The following ADGRV1 variants were observed in gnomAD, a reference collection of about 807,000 sequenced individuals.
ADGRV1 encodes adhesion G protein-coupled receptor V1.
In ADGRV1, 359 loss-of-function variants were observed where a neutral mutation model predicts 596.2. That is an observed-to-expected ratio of 0.60 (90% CI 0.55 to 0.66). ADGRV1 has a LOEUF of 0.66. Among genes scored for constraint, ADGRV1 ranks in the 30% least tolerant of loss-of-function variants. The pLI is 0.00. For synonymous variants in ADGRV1, 2,681 were observed against 2,679.2 expected (o/e 1.00, Z -0.02); for missense variants, 7,274 against 7,575.6 (o/e 0.96, Z 1.48).
chr5:90,779,110 G>C lies in ADGRV1; in HGVS notation c.13082+13G>C. The stretch of plus-strand genomic sequence containing the variant: ...AACTCCAGGGAAGGTAAAGGAGAAA[G>C]GCAATTAGGAAAAAGAAAGCAAAGA... On this transcript the variant is annotated intron_variant, in intron 64 of 89. Coordinates refer to ENST00000405460, the MANE Select transcript of ADGRV1 (RefSeq NM_032119.4). 2.0e-6 allele frequency: 3 copies of C among 1,507,010 alleles called. No homozygotes were observed. Among genetic ancestry groups the C allele is most frequent in the Non-Finnish European group, 2.8e-6 (3 of 1,085,822 alleles). 93.4% of individuals were successfully genotyped at this position (1,507,010 alleles called of 1,614,324 possible).
At chr5:90,683,556 T>C (rs888290182) in intron 27 of ADGRV1, 30 bp from the exon 28 acceptor site, 1 of 1,499,520 alleles carries the variant, frequency 6.7e-7, no homozygotes, top group Non-Finnish European at 9.0e-7. Flanking sequence ...ATCTCTCTTT[T>C]AATAGATTTT....
chr5:90,630,740 A>G (rs908917823), intron 9 of ADGRV1, among the ~76,000 whole-genome samples: 2 of 152,102 alleles, frequency 1.3e-5, no homozygotes, highest in African/African-American at 4.8e-5. Context: ...TTTTGCCTTG[A>G]TTTTGTTTTA....
chr5:91,101,958 C>G (rs1582062615), intron 86 of ADGRV1, among the ~76,000 whole-genome samples: 1 of 152,160 alleles, frequency 6.6e-6, no homozygotes, highest in African/African-American at 2.4e-5. Context: ...ACTTACTGAA[C>G]AGTCCAGCAG....
At chr5:90,739,262 T>C (rs1413464367) in intron 50 of ADGRV1, among the ~76,000 whole-genome samples, 1 of 152,194 alleles carries the variant, frequency 6.6e-6, no homozygotes. Context: ...TTCAAGAGAA[T>C]TATTCTGAAT....
Position 90,706,515 on chromosome 5 carries a change from G to A in ADGRV1, c.8730+121G>A, listed in dbSNP as rs575483533. ...AGGTTTGTTACATATATATACATGT[G>A]CCATGTTGGTGTGCTGCACCCATTA... On this transcript the variant is annotated intron_variant, in intron 38 of 89. Transcript: ENST00000405460. 9 of 845,986 alleles carry A rather than the reference G, an allele frequency of 1.1e-5. No homozygotes were observed. The East Asian group carries it at 1.4e-4, about 13-fold the overall frequency. 52.4% of individuals were successfully genotyped at this position (845,986 alleles called of 1,614,324 possible).
intron 85 of ADGRV1, among the ~76,000 whole-genome samples, chr5:91,040,529 A>G (rs575017326): frequency 3.9e-5 from 6 of 152,176 alleles, no homozygotes; most frequent in Non-Finnish European, 8.8e-5. Context: ...TTAATTATAT[A>G]TGTTTGGAAT....
intron 83 of ADGRV1, among the ~76,000 whole-genome samples, chr5:90,948,179 A>C (rs1400991024): frequency 6.6e-6 from 1 of 152,114 alleles, no homozygotes; most frequent in Non-Finnish European, 1.5e-5. Flanking sequence ...TTATTCTGTT[A>C]GTTACTAGGT....
chr5:90,936,101 C>T (rs1359438486), intron 83 of ADGRV1, among the ~76,000 whole-genome samples: 1 of 152,140 alleles, frequency 6.6e-6, no homozygotes, highest in African/African-American at 2.4e-5. Flanking sequence ...TTTATGTACC[C>T]TAGACTTTAT....
At chr5:91,156,214 A>G (rs904412280) in intron 89 of ADGRV1, among the ~76,000 whole-genome samples, 1 of 152,172 alleles carries the variant, frequency 6.6e-6, no homozygotes, top group African/African-American at 2.4e-5. Flanking sequence ...AGATGAAAAA[A>G]GGTTGATCTG....
chr5:90,684,536 C>T (rs1257856758), intron 28 of ADGRV1, among the ~76,000 whole-genome samples: 1 of 152,112 alleles, frequency 6.6e-6, no homozygotes, highest in African/African-American at 2.4e-5. Context: ...AACTGGGTGG[C>T]TTAGAAACAA....
At chr5:90,990,877 G>C (rs1263154216) in intron 85 of ADGRV1, among the ~76,000 whole-genome samples, 1 of 152,124 alleles carries the variant, frequency 6.6e-6, no homozygotes, top group Non-Finnish European at 1.5e-5. Flanking sequence ...TAGTCACCTA[G>C]TTTTCTTGGG....
intron 85 of ADGRV1, among the ~76,000 whole-genome samples, chr5:91,056,310 C>A (rs1786849730): frequency 6.6e-6 from 1 of 152,086 alleles, no homozygotes; most frequent in Non-Finnish European, 1.5e-5. Context: ...AGACCAGCAG[C>A]AAACCACCAA....
chr5:91,014,500 G>A lies in ADGRV1; in HGVS notation c.18152+28978G>A. Among the ~76,000 whole-genome samples, 2 of 151,864 alleles carry A rather than the reference G, an allele frequency of 1.3e-5. 1 individual carries two copies. Among genetic ancestry groups the A allele is most frequent in the East Asian group, 3.9e-4 (2 of 5,168 alleles). ...GTAGAATTTGGCTGTAAATCCATCA[G>A]GTCCTGGGAGTTTTTTTGTTTTTTG... is the stretch of plus-strand genomic sequence containing the variant. On this transcript the variant is annotated intron_variant, in intron 85 of 89. Coordinates refer to ENST00000405460, the MANE Select transcript of ADGRV1 (RefSeq NM_032119.4).
At chr5:90,885,212 A>G (rs993715638) in intron 83 of ADGRV1, among the ~76,000 whole-genome samples, 13 of 152,308 alleles carry the variant, frequency 8.5e-5, no homozygotes, top group Admixed American at 3.3e-4. Flanking sequence ...TCATAGATGT[A>G]CTTGTTGTTC....
At chr5:91,161,508 G>GTTTT (rs372339480) in intron 89 of ADGRV1, among the ~76,000 whole-genome samples, 3 of 128,848 alleles carry the variant, frequency 2.3e-5, no homozygotes, top group Non-Finnish European at 3.1e-5. Flanking sequence ...GTTTTTGTTA[G>GTTTT]TTTTTTTTTT....
At chr5:90,944,902 G>A (rs1045836829) in intron 83 of ADGRV1, among the ~76,000 whole-genome samples, 1 of 152,066 alleles carries the variant, frequency 6.6e-6, no homozygotes, top group Non-Finnish European at 1.5e-5. Flanking sequence ...GATTAAACAT[G>A]ATTTTGTTTG....
At chr5:90,703,583 C>T (rs934690946) in intron 34 of ADGRV1, 82 bp from the exon 35 acceptor site, 174 of 1,006,596 alleles carry the variant, frequency 1.7e-4, no homozygotes, top group Non-Finnish European at 2.5e-4. Context: ...TAGTTGCATG[C>T]TTGGGATTTG....
At chr5:90,832,199 A>C (rs551990412) in intron 77 of ADGRV1, among the ~76,000 whole-genome samples, 2 of 152,268 alleles carry the variant, frequency 1.3e-5, no homozygotes, top group Admixed American at 1.3e-4. Flanking sequence ...TAGTGGTTGT[A>C]CTAATTTACA....
intron 83 of ADGRV1, among the ~76,000 whole-genome samples, chr5:90,874,156 C>T (rs922763594): frequency 2.6e-5 from 4 of 152,152 alleles, no homozygotes; most frequent in Non-Finnish European, 5.9e-5. Context: ...CATCTTCTAC[C>T]ACCTCCCCGT....
Sources: gnomAD v4.1 joint callset for allele counts (sites outside exome capture counted in the v4.1 genomes callset) on GRCh38, gnomAD v4.1.1 for gene constraint, MANE v1.5 for transcripts, NCBI Gene and HGNC (gene_info 2026-07-23, HGNC 2026-07-21) for gene names.